TIMD4: variants seen among roughly 807,000 people sequenced by gnomAD.
TIMD4 encodes T-cell immunoglobulin and mucin domain-containing protein 4.
In TIMD4, 31 loss-of-function variants were observed where a neutral mutation model predicts 41.2. The ratio of observed to expected loss-of-function variants is 0.75; its 90% confidence interval spans 0.57 to 1.01. TIMD4 has a LOEUF of 1.01. Ranked by LOEUF, TIMD4 falls within the 50% of genes least tolerant of loss-of-function variation. The pLI, the probability that TIMD4 is intolerant of heterozygous loss-of-function variation, is 0.00. For synonymous variants in TIMD4, 204 were observed against 177.1 expected (o/e 1.15, Z -1.21); for missense variants, 479 against 472.5 (o/e 1.01, Z -0.13).
At chr5:156,943,337 C>T (rs113147804) in intron 5 of TIMD4, among the ~76,000 whole-genome samples, 5 of 152,120 alleles carry the variant, frequency 3.3e-5, no homozygotes, top group South Asian at 2.1e-4. Context: ...TAAGTACTAC[C>T]GTTATCCCCA....
At chr5:156,962,872 C>T (rs942501104) in intron 1 of TIMD4, among the ~76,000 whole-genome samples, 1 of 152,186 alleles carries the variant, frequency 6.6e-6, no homozygotes, top group Admixed American at 6.5e-5. Context: ...TATCTGACCA[C>T]TTATTTCTGT....
intron 5 of TIMD4, among the ~76,000 whole-genome samples, chr5:156,928,974 C>T (rs1759398756): frequency 6.6e-6 from 1 of 152,264 alleles, no homozygotes; most frequent in South Asian, 2.1e-4. Flanking sequence ...AAATTGGAAT[C>T]GTCCAATGGG....
In TIMD4 at chr5:156,932,016, C is replaced by T. The variant is rs897725403; in HGVS notation, c.845-5704G>A. ...ATTCTTTTAAAAGGATATAAAACTA[C>T]GCTTAGTATAGGGAATGAGTATGCA... On this transcript the variant is annotated intron_variant, in intron 5 of 8. Coordinates refer to ENST00000274532, the MANE Select transcript of TIMD4 (RefSeq NM_138379.3). Among the ~76,000 whole-genome samples the T allele has an allele frequency of 8.2e-5, 12 of 147,102 alleles. No individual in the cohort carries two copies. The East Asian group carries it at 2.0e-3, about 24-fold the overall frequency.
intron 4 of TIMD4, among the ~76,000 whole-genome samples, chr5:156,949,369 T>C (rs952787874): frequency 1.3e-5 from 2 of 152,126 alleles, no homozygotes; most frequent in Admixed American, 6.6e-5. Flanking sequence ...TACCATGAGC[T>C]ACTGCAGAGA....
At chr5:156,930,617 G>A (rs1406164290) in intron 5 of TIMD4, among the ~76,000 whole-genome samples, 3 of 152,120 alleles carry the variant, frequency 2.0e-5, no homozygotes, top group Non-Finnish European at 4.4e-5. Flanking sequence ...ACTGGCTGTG[G>A]GGAAAATGAC....
chr5:156,937,301 A>G (rs1759558525), intron 5 of TIMD4, among the ~76,000 whole-genome samples: 1 of 152,238 alleles, frequency 6.6e-6, no homozygotes, highest in Admixed American at 6.5e-5. Flanking sequence ...CACAGGGTTC[A>G]ACAGCCCCCA....
chr5:156,951,917 T>C lies in TIMD4; in HGVS notation c.401-127A>G, dbSNP rs1350440454. 4.6e-6 allele frequency: 6 copies of C among 1,297,108 alleles called. No homozygotes were observed. The Admixed American group carries it at 1.0e-4, about 22-fold the overall frequency. 80.3% of individuals were successfully genotyped at this position (1,297,108 alleles called of 1,614,324 possible). A position where few individuals can be genotyped will look rare whatever the true frequency, so the allele number is the denominator to read the frequency against. On this transcript the variant is annotated intron_variant, in intron 2 of 8. Transcript: ENST00000274532. ...GGTCCACTGGCCTGGACGATTGTAATGCCCAATAAAATTGTGTTTCCTGCC... is the reference window on the plus strand; with the variant it reads ...GGTCCACTGGCCTGGACGATTGTAACGCCCAATAAAATTGTGTTTCCTGCC...
At chr5:156,922,333 C>G in intron 6 of TIMD4, 117 bp from the exon 7 acceptor site, 1 of 873,962 alleles carries the variant, frequency 1.1e-6, no homozygotes, top group South Asian at 1.5e-5. Flanking sequence ...CATTTCACCA[C>G]CTTTTGTCAA....
At chr5:156,947,771 A>T (rs1299866014) in intron 5 of TIMD4, among the ~76,000 whole-genome samples, 2 of 152,226 alleles carry the variant, frequency 1.3e-5, no homozygotes, top group African/African-American at 4.8e-5. Flanking sequence ...GAATGGAAAA[A>T]AGACCTAGAA....
chr5:156,942,230 A>G (rs1384169507), intron 5 of TIMD4, among the ~76,000 whole-genome samples: 1 of 152,232 alleles, frequency 6.6e-6, no homozygotes, highest in Non-Finnish European at 1.5e-5. Context: ...GGCACAAGAA[A>G]AGTGAAACCT....
chr5:156,947,034 C>A (rs1212022455), intron 5 of TIMD4, among the ~76,000 whole-genome samples: 1 of 151,676 alleles, frequency 6.6e-6, no homozygotes, highest in African/African-American at 2.4e-5. Context: ...CCCATCTCTA[C>A]TAAAATACAA....
chr5:156,934,757 G>A (rs1038118375), intron 5 of TIMD4, among the ~76,000 whole-genome samples: 1 of 152,042 alleles, frequency 6.6e-6, no homozygotes, highest in African/African-American at 2.4e-5. Context: ...AAGAAAAAAA[G>A]CATATTATAA....
rs771695813 is a variant in TIMD4, at chr5:156,951,668, G to T, written c.523C>A (p.Pro175Thr). ...AGTGGTGTTCCGGTTGTGAGATCGG[G>T]TGTGGTCACGACTGTTGTTGGAAGT... ...AALPTTVVTT[P>T]DLTTGTPLQM... Residue 175 changes from proline (P) to threonine (T), a missense_variant, in exon 3 of 9, where the codon CCC (proline) becomes ACC (threonine). Transcript: ENST00000274532. 1.7e-5 allele frequency: 28 copies of T among 1,613,972 alleles called. No individual in the cohort carries two copies. In the East Asian group the frequency reaches 5.1e-4, roughly 30 times the overall value.
rs776657556 is a variant in TIMD4, at chr5:156,954,323, A to G, written c.400+92T>C. On this transcript the variant is annotated intron_variant, in intron 2 of 8. Coordinates refer to ENST00000274532, the MANE Select transcript of TIMD4 (RefSeq NM_138379.3). ...AATCTTCCCACTCACTGTGAAAGCA[A>G]CTCTAACCTCTTCACCACCATCCAC... 1.4e-5 allele frequency: 18 copies of G among 1,265,730 alleles called. No individual in the cohort carries two copies. In the Middle Eastern group the frequency reaches 3.1e-3, roughly 219 times the overall value. The allele number at this position is 1,265,730 out of a possible 1,614,324, so 78.4% of individuals were successfully genotyped here.
intron 5 of TIMD4, among the ~76,000 whole-genome samples, chr5:156,930,745 T>C (rs1347057070): frequency 2.0e-5 from 3 of 152,218 alleles, no homozygotes; most frequent in Non-Finnish European, 4.4e-5. Context: ...ATAACAAGAA[T>C]ACATTATTTT....
At chr5:156,929,490 G>A (rs1382368494) in intron 5 of TIMD4, among the ~76,000 whole-genome samples, 1 of 152,170 alleles carries the variant, frequency 6.6e-6, no homozygotes, top group East Asian at 1.9e-4. Flanking sequence ...ATTTAGGGTA[G>A]GCCCTAAATC....
intron 6 of TIMD4, among the ~76,000 whole-genome samples, chr5:156,923,456 A>T (rs192016136): frequency 3.5e-5 from 5 of 144,812 alleles, no homozygotes; most frequent in African/African-American, 7.6e-5. Context: ...GCCTAAAAAA[A>T]TTTTTTAATT....
At chr5:156,925,937 C>T (rs1018778231) in intron 6 of TIMD4, among the ~76,000 whole-genome samples, 2 of 152,242 alleles carry the variant, frequency 1.3e-5, no homozygotes, top group Admixed American at 6.5e-5. Context: ...CACAGTCTCA[C>T]TCTGCCACCA....
intron 5 of TIMD4, among the ~76,000 whole-genome samples, chr5:156,936,847 G>A (rs1176183742): frequency 1.3e-5 from 2 of 150,764 alleles, no homozygotes; most frequent in African/African-American, 2.4e-5. Flanking sequence ...TAGGAGAATC[G>A]CTTGAACATG....
Sources: allele counts gnomAD v4.1 joint callset (sites outside exome capture counted in the v4.1 genomes callset), GRCh38; gene constraint gnomAD v4.1.1; transcripts MANE v1.5; gene names NCBI Gene and HGNC (gene_info 2026-07-23, HGNC 2026-07-21).